The following ERBB4 variants were observed in gnomAD, a reference collection of about 807,000 sequenced individuals.
ERBB4 encodes erb-b2 receptor tyrosine kinase 4, also known as receptor tyrosine-protein kinase erbB-4.
Under a neutral mutation model 158.0 loss-of-function variants are expected in ERBB4, and 42 were observed. That is an observed-to-expected ratio of 0.27 (90% CI 0.21 to 0.34). The LOEUF (loss-of-function observed/expected upper bound fraction) is 0.34. ERBB4 is among the 10% of genes least tolerant of loss of function. The pLI is 1.00. For synonymous variants in ERBB4, 583 were observed against 558.7 expected, an observed-to-expected ratio of 1.04 and a Z score of -0.61; for missense variants, 1,333 against 1,624.1, an observed-to-expected ratio of 0.82 and a Z score of 3.08.
At chr2:212,120,134 G>C (rs1466293297) in intron 2 of ERBB4, among the ~76,000 whole-genome samples, 1 of 152,110 alleles carries the variant, frequency 6.6e-6, no homozygotes, top group Non-Finnish European at 1.5e-5. Context: ...ACTATTTGGG[G>C]TAAATATTGC....
intron 20 of ERBB4, among the ~76,000 whole-genome samples, chr2:211,549,593 C>G (rs1018901142): frequency 6.6e-6 from 1 of 152,126 alleles, no homozygotes; most frequent in Non-Finnish European, 1.5e-5. Flanking sequence ...TCACCCTAGT[C>G]ACCCCAGTCT....
chr2:211,924,499 A>G (rs2079962297), intron 3 of ERBB4, among the ~76,000 whole-genome samples: 1 of 152,180 alleles, frequency 6.6e-6, no homozygotes, highest in African/African-American at 2.4e-5. Flanking sequence ...CACATAAAAG[A>G]TAAGTTATTT....
intron 25 of ERBB4, among the ~76,000 whole-genome samples, chr2:211,398,023 A>ATAATC (rs908899338): frequency 1.3e-5 from 2 of 151,894 alleles, no homozygotes; most frequent in African/African-American, 4.8e-5. Flanking sequence ...AGCTGCCCTG[A>ATAATC]TAATCTACAC....
chr2:212,376,702 A>C (rs547593478), intron 1 of ERBB4, among the ~76,000 whole-genome samples: 1 of 152,188 alleles, frequency 6.6e-6, no homozygotes, highest in South Asian at 2.1e-4. Context: ...GAAAGACTGC[A>C]TTGACATTCT....
chr2:211,480,702 C>G (rs938797027), intron 20 of ERBB4, among the ~76,000 whole-genome samples: 1 of 152,150 alleles, frequency 6.6e-6, no homozygotes, highest in African/African-American at 2.4e-5. Context: ...CTGCCCCTAT[C>G]TACCTGGTGA....
intron 1 of ERBB4, among the ~76,000 whole-genome samples, chr2:212,127,068 T>A (rs941233775): frequency 2.0e-5 from 3 of 152,178 alleles, no homozygotes; most frequent in Admixed American, 1.3e-4. Flanking sequence ...AAATTGTGTG[T>A]CCTAAAAGAC....
In ERBB4 at chr2:211,944,204, A is replaced by G. The variant is rs868091134; in HGVS notation, c.421+3226T>C. On this transcript the variant is annotated intron_variant, in intron 3 of 27. Transcript: ENST00000342788. ...ATATATATATATATATATATACTAT[A>G]TATATATATACACACACACACAAAA... Among the ~76,000 whole-genome samples the G allele has an allele frequency of 7.1e-3, 199 of 28,138 alleles. 6 individuals carry two copies. The highest frequency in any genetic ancestry group is 0.011 in the African/African-American group (137 of 12,916). 18.5% of individuals were successfully genotyped at this position (28,138 alleles called of 152,430 possible).
chr2:211,678,187 C>T (rs886875376), intron 13 of ERBB4, among the ~76,000 whole-genome samples: 5 of 151,770 alleles, frequency 3.3e-5, no homozygotes, highest in African/African-American at 9.7e-5. Flanking sequence ...AAAACCACTT[C>T]AAATAGAAAC....
At chr2:211,640,941 T>C (rs1163642729) in intron 16 of ERBB4, among the ~76,000 whole-genome samples, 3 of 152,164 alleles carry the variant, frequency 2.0e-5, no homozygotes, top group Non-Finnish European at 4.4e-5. Context: ...TAAAGGGACG[T>C]GCAGAAATCA....
In ERBB4 at chr2:212,263,483, C is replaced by T. The variant is rs1265356037; in HGVS notation, c.83-138580G>A. On this transcript the variant is annotated intron_variant, in intron 1 of 27. Transcript: ENST00000342788. ...GATTACAGCAAAAATATTTTCACAG[C>T]GGACTTCTATGCACCAAATTGCGTT... 2.6e-5 allele frequency among the ~76,000 whole-genome samples: 4 copies of T among 152,006 alleles called. 1 individual carries two copies. In the South Asian group the frequency reaches 6.2e-4, roughly 24 times the overall value.
At chr2:212,522,702 ATCTAAG>A (rs1375027847) in intron 1 of ERBB4, among the ~76,000 whole-genome samples, 1 of 151,996 alleles carries the variant, frequency 6.6e-6, no homozygotes, top group Non-Finnish European at 1.5e-5. Context: ...GTAAATTAAA[ATCTAAG>A]TCTAATATAC....
chr2:211,747,341 T>C (rs1018096582), intron 5 of ERBB4, among the ~76,000 whole-genome samples: 4 of 152,122 alleles, frequency 2.6e-5, no homozygotes, highest in African/African-American at 9.7e-5. Flanking sequence ...CAGAAGATCA[T>C]CCCTCCCACC....
intron 19 of ERBB4, among the ~76,000 whole-genome samples, chr2:211,608,825 C>T (rs1377491194): frequency 5.9e-5 from 9 of 152,124 alleles, no homozygotes. Flanking sequence ...TAAAACCATA[C>T]CTAAATTCAC....
At position 211,730,828 on chromosome 2, in the gene ERBB4, T is replaced by C. The variant is rs530146613; in HGVS notation, c.623-5634A>G. Among the ~76,000 whole-genome samples, 61 of 152,190 alleles carry C rather than the reference T, an allele frequency of 4.0e-4. 1 individual carries two copies. In the South Asian group the frequency reaches 5.8e-3, roughly 14 times the overall value. ...GCTTTGGTAGTTTTAATAAGCTCCC[T>C]GGGATTCCAATATTCAGTCTAGAGT... On this transcript the variant is annotated intron_variant, in intron 5 of 27. Transcript: ENST00000342788.
At chr2:212,334,205 C>CT (rs757356614) in intron 1 of ERBB4, among the ~76,000 whole-genome samples, 6 of 151,962 alleles carry the variant, frequency 3.9e-5, no homozygotes, top group East Asian at 3.9e-4. Flanking sequence ...ATTCCTCTCT[C>CT]TTTTGCTCTC....
intron 16 of ERBB4, among the ~76,000 whole-genome samples, chr2:211,647,615 AT>A (rs1372889115): frequency 6.6e-6 from 1 of 151,648 alleles, no homozygotes; most frequent in Non-Finnish European, 1.5e-5. Flanking sequence ...CAATTCCTTC[AT>A]ATCCAGTTAA....
intron 20 of ERBB4, among the ~76,000 whole-genome samples, chr2:211,493,874 T>C (rs991856559): frequency 1.3e-5 from 2 of 152,142 alleles, no homozygotes; most frequent in Admixed American, 6.5e-5. Context: ...TCTCAGAATC[T>C]GATAAAAACA....
intron 17 of ERBB4, among the ~76,000 whole-genome samples, chr2:211,625,257 T>A (rs1452257755): frequency 6.6e-6 from 1 of 152,148 alleles, no homozygotes; most frequent in Non-Finnish European, 1.5e-5. Context: ...TTTTCCAGCA[T>A]AATAATCAAA....
chr2:212,133,683 G>T (rs1356880118), intron 1 of ERBB4, among the ~76,000 whole-genome samples: 1 of 151,676 alleles, frequency 6.6e-6, no homozygotes, highest in Non-Finnish European at 1.5e-5. Flanking sequence ...CATAAAGGAA[G>T]GCCAGGTGTG....
Sources: gnomAD v4.1 joint callset for allele counts (sites outside exome capture counted in the v4.1 genomes callset) on GRCh38, gnomAD v4.1.1 for gene constraint, MANE v1.5 for transcripts, NCBI Gene and HGNC (gene_info 2026-07-23, HGNC 2026-07-21) for gene names.